Variants in TSNARE1 observed in about 807,000 individuals in gnomAD.
The protein encoded by TSNARE1 is t-SNARE domain-containing protein 1.
Under a neutral mutation model 62.0 loss-of-function variants are expected in TSNARE1, and 49 were observed. The observed-to-expected ratio is 0.79, with a 90% CI of 0.63 to 1.00. TSNARE1 has a LOEUF of 1.00. TSNARE1 is among the 50% of genes least tolerant of loss of function. The pLI is 0.00. For missense variants in TSNARE1, 755 were observed against 700.1 expected, an observed-to-expected ratio of 1.08 and a Z score of -0.88; for synonymous variants, 328 against 294.4, an observed-to-expected ratio of 1.11 and a Z score of -1.17.
At position 142,314,452 on chromosome 8, in the gene TSNARE1, A is replaced by G. The variant is rs555510797; in HGVS notation, c.1075-12T>C. ...TTTTCTGCAATTTTCTGTTGAAAAA[A>G]GGACAAGAGAAGAAAGACAGGAAGA... is the stretch of plus-strand genomic sequence containing the variant. On this transcript the variant is annotated splice_polypyrimidine_tract_variant and intron_variant, in intron 8 of 13. Transcript: ENST00000524325. The G allele has an allele frequency of 6.8e-6, 11 of 1,613,244 alleles. No homozygotes were observed. The highest frequency in any genetic ancestry group is 9.3e-6 in the Non-Finnish European group (11 of 1,179,450).
intron 12 of TSNARE1, chr8:142,272,483 C>T (rs1201547478): frequency 5.8e-6 from 1 of 171,162 alleles, no homozygotes; most frequent in African/African-American, 5.3e-5. Context: ...TGCCCGTCTA[C>T]ACCTTCCTTC....
At chr8:142,279,237 C>T (rs1239757606) in intron 11 of TSNARE1, among the ~76,000 whole-genome samples, 2 of 152,258 alleles carry the variant, frequency 1.3e-5, no homozygotes, top group East Asian at 1.9e-4. Context: ...CCGTGCTCAC[C>T]GCTGGACTGC....
chr8:142,348,638 G>A (rs1462396317), intron 2 of TSNARE1, among the ~76,000 whole-genome samples: 2 of 129,820 alleles, frequency 1.5e-5, no homozygotes, highest in African/African-American at 3.1e-5. Flanking sequence ...GGCACCCCAT[G>A]CCCACCCTCC....
chr8:142,245,829 T>C (rs1012330457), intron 12 of TSNARE1, among the ~76,000 whole-genome samples: 1 of 152,124 alleles, frequency 6.6e-6, no homozygotes, highest in African/African-American at 2.4e-5. Context: ...AGGTGGTTCA[T>C]AGACACTATC....
chr8:142,364,349 T>C (rs1413916933), intron 1 of TSNARE1, among the ~76,000 whole-genome samples: 6 of 152,246 alleles, frequency 3.9e-5, no homozygotes, highest in Admixed American at 2.6e-4. Context: ...CGTGAATTCA[T>C]AGTTTTTAAG....
intron 12 of TSNARE1, among the ~76,000 whole-genome samples, chr8:142,249,885 G>A (rs1186984705): frequency 1.3e-5 from 2 of 152,212 alleles, no homozygotes; most frequent in Non-Finnish European, 2.9e-5. Context: ...TGGTGGCCTC[G>A]CAGCTCCAGC....
intron 4 of TSNARE1, among the ~76,000 whole-genome samples, 189 bp downstream of exon 4, chr8:142,343,771 AGAGGAG>A (rs1211571943): frequency 7.3e-3 from 414 of 56,772 alleles, no homozygotes; most frequent in African/African-American, 0.013. Flanking sequence ...GGAGGGGAGA[AGAGGAG>A]GAGGAGGAGG....
At chr8:142,308,731 G>A (rs1001554053) in intron 9 of TSNARE1, among the ~76,000 whole-genome samples, 4 of 152,128 alleles carry the variant, frequency 2.6e-5, no homozygotes, top group African/African-American at 7.2e-5. Flanking sequence ...AATTGCCTTT[G>A]CTATCTTGGG....
chr8:142,282,024 G>A (rs1476893041), intron 11 of TSNARE1, among the ~76,000 whole-genome samples: 3 of 152,202 alleles, frequency 2.0e-5, no homozygotes, highest in Admixed American at 2.0e-4. Flanking sequence ...CGCTAAGGTA[G>A]GACCTGACTC....
intron 12 of TSNARE1, chr8:142,270,189 C>T (rs919834833): frequency 1.9e-5 from 19 of 985,136 alleles, no homozygotes; most frequent in Middle Eastern, 5.2e-4. Context: ...TGCCCTGCCG[C>T]GCAGGGACTG....
At chr8:142,286,805 C>G (rs1822845585) in intron 10 of TSNARE1, among the ~76,000 whole-genome samples, 2 of 152,224 alleles carry the variant, frequency 1.3e-5, no homozygotes, top group South Asian at 2.1e-4. Context: ...TCACCACCAA[C>G]TTCGACCCTG....
intron 10 of TSNARE1, among the ~76,000 whole-genome samples, chr8:142,286,087 C>G (rs1405483123): frequency 1.3e-5 from 2 of 152,202 alleles, no homozygotes; most frequent in African/African-American, 4.8e-5. Context: ...CACGCTGCAC[C>G]TAGGACGGCT....
chr8:142,217,258 A>G (rs1306980337), intron 13 of TSNARE1, among the ~76,000 whole-genome samples: 1 of 150,094 alleles, frequency 6.7e-6, no homozygotes, highest in East Asian at 1.9e-4. Flanking sequence ...ATAAAATAAT[A>G]AAATAAAATA....
At chr8:142,356,494 G>C (rs1318645717) in intron 1 of TSNARE1, among the ~76,000 whole-genome samples, 3 of 152,206 alleles carry the variant, frequency 2.0e-5, no homozygotes, top group Non-Finnish European at 4.4e-5. Context: ...AGGTCTCAAC[G>C]CAGCGAGCAG....
intron 12 of TSNARE1, among the ~76,000 whole-genome samples, chr8:142,230,379 C>T (rs573968781): frequency 6.6e-6 from 1 of 152,256 alleles, no homozygotes; most frequent in East Asian, 1.9e-4. Flanking sequence ...TGAGACAGTC[C>T]TGCAAATTAT....
chr8:142,252,830 C>T (rs4633164), intron 12 of TSNARE1, among the ~76,000 whole-genome samples: 74,353 of 152,046 alleles, frequency 0.49, 19,222 homozygotes, highest in African/African-American at 0.65. Flanking sequence ...GGCAGGTCCT[C>T]CCCTCCCCAC....
intron 9 of TSNARE1, among the ~76,000 whole-genome samples, chr8:142,302,451 G>A (rs1465987752): frequency 1.3e-5 from 2 of 152,156 alleles, no homozygotes; most frequent in Non-Finnish European, 2.9e-5. Context: ...AGGCACAGTT[G>A]CTGGGCCTGG....
chr8:142,355,665 T>C (rs1834669152), intron 1 of TSNARE1, among the ~76,000 whole-genome samples: 1 of 152,306 alleles, frequency 6.6e-6, no homozygotes, highest in Non-Finnish European at 1.5e-5. Flanking sequence ...ACCCTAATGC[T>C]ATCACTACGG....
intron 3 of TSNARE1, 44 bp from the exon 4 acceptor site, chr8:142,344,516 T>TGGAGGCAGCGGCCCC (rs1833089175): frequency 6.9e-7 from 1 of 1,445,184 alleles, no homozygotes; most frequent in East Asian, 2.6e-5. Context: ...CCTGGGCCTG[T>TGGAGGCAGCGGCCCC]GGAGGCAGCG....
Sources: allele counts gnomAD v4.1 joint callset (sites outside exome capture counted in the v4.1 genomes callset), GRCh38; gene constraint gnomAD v4.1.1; transcripts MANE v1.5; gene names NCBI Gene and HGNC (gene_info 2026-07-23, HGNC 2026-07-21).